Variants in CDH12 observed in about 807,000 individuals in gnomAD.
The protein encoded by CDH12 is cadherin-12.
Under a neutral mutation model 74.1 loss-of-function variants are expected in CDH12, and 41 were observed. That is an observed-to-expected ratio of 0.55 (90% CI 0.43 to 0.72). The LOEUF (loss-of-function observed/expected upper bound fraction) is 0.72. Among genes scored for constraint, CDH12 ranks in the 30% least tolerant of loss-of-function variants. The pLI is 0.00. For missense variants in CDH12, 945 were observed against 977.2 expected (o/e 0.97, Z 0.44); for synonymous variants, 399 against 355.0 (o/e 1.12, Z -1.39).
At chr5:22,704,044 T>TG (rs550591992) in intron 1 of CDH12, among the ~76,000 whole-genome samples, 1 of 152,286 alleles carries the variant, frequency 6.6e-6, no homozygotes, top group African/African-American at 2.4e-5. Flanking sequence ...AAACATTTTT[T>TG]GGGGGGTTCC....
chr5:22,674,658 G>T (rs1741073653), intron 1 of CDH12, among the ~76,000 whole-genome samples: 1 of 152,182 alleles, frequency 6.6e-6, no homozygotes, highest in Non-Finnish European at 1.5e-5. Flanking sequence ...ACTCCCTAGA[G>T]ACTTGTTGAA....
At chr5:22,270,765 G>A (rs1188118298) in intron 3 of CDH12, among the ~76,000 whole-genome samples, 1 of 151,952 alleles carries the variant, frequency 6.6e-6, no homozygotes, top group Non-Finnish European at 1.5e-5. Context: ...TCCACCTTCT[G>A]GTTTCAAGCG....
chr5:22,126,851 G>T (rs1223214992), intron 4 of CDH12, among the ~76,000 whole-genome samples: 4 of 152,112 alleles, frequency 2.6e-5, no homozygotes, highest in Non-Finnish European at 5.9e-5. Flanking sequence ...AATGACCATT[G>T]CTCTTTATCA....
At position 22,704,514 on chromosome 5, in the gene CDH12, A is replaced by G. The variant is rs537109458; in HGVS notation, c.-523+148544T>C. Among the ~76,000 whole-genome samples, 122 of 152,266 alleles carry G rather than the reference A, an allele frequency of 8.0e-4. No homozygotes were observed. The South Asian group carries it at 0.021, about 26-fold the overall frequency. On this transcript the variant is annotated intron_variant, in intron 1 of 14. Coordinates refer to ENST00000382254, the MANE Select transcript of CDH12 (RefSeq NM_004061.5). Reference sequence around the variant, plus strand: ...CTAAAAGTCCAGTAAAGTATTCACAAGCAAGAAACTGGGAAATAGTAAACT... The same window carrying G: ...CTAAAAGTCCAGTAAAGTATTCACAGGCAAGAAACTGGGAAATAGTAAACT...
At chr5:22,520,442 A>G (rs1737002746) in intron 1 of CDH12, among the ~76,000 whole-genome samples, 1 of 152,158 alleles carries the variant, frequency 6.6e-6, no homozygotes, top group Non-Finnish European at 1.5e-5. Flanking sequence ...AATCCAGCAA[A>G]TAAGTTAGAT....
chr5:22,244,692 GAAA>G (rs1417479224), intron 3 of CDH12, among the ~76,000 whole-genome samples: 1 of 129,052 alleles, frequency 7.7e-6, no homozygotes, highest in South Asian at 2.5e-4. Flanking sequence ...AAGAAGGAAA[GAAA>G]AGAAAAAGAA....
intron 6 of CDH12, among the ~76,000 whole-genome samples, chr5:21,890,433 A>G (rs1752844489): frequency 6.6e-6 from 1 of 152,132 alleles, no homozygotes; most frequent in Admixed American, 6.6e-5. Flanking sequence ...TATAACAGCT[A>G]ATGGAAAATA....
chr5:21,930,002 C>T (rs12188865), intron 6 of CDH12, among the ~76,000 whole-genome samples: 102,520 of 152,080 alleles, frequency 0.67, 37,662 homozygotes, highest in East Asian at 0.93. Context: ...AAGGGCAGCA[C>T]AACTCCATTT....
In CDH12 at chr5:22,111,259, C is replaced by T. The variant is rs189968198; in HGVS notation, c.-186-32397G>A. On this transcript the variant is annotated intron_variant, in intron 4 of 14. Coordinates refer to ENST00000382254, the MANE Select transcript of CDH12 (RefSeq NM_004061.5). ...TACAACCAAATACATATTTATTTGT[C>T]AACTGATTCTCTTAGATGACACTAA... Among the ~76,000 whole-genome samples, 145 of 152,210 alleles carry T rather than the reference C, an allele frequency of 9.5e-4. 1 individual carries two copies. The highest frequency in any genetic ancestry group is 4.3e-3 in the Admixed American group (65 of 15,274).
chr5:22,138,507 T>C (rs185397147), intron 4 of CDH12, among the ~76,000 whole-genome samples: 2,520 of 151,500 alleles, frequency 0.017, 26 homozygotes, highest in Middle Eastern at 0.044. Context: ...TGATATTTTA[T>C]AAAGTTGGGG....
intron 2 of CDH12, among the ~76,000 whole-genome samples, chr5:22,490,143 C>T (rs924137137): frequency 3.3e-5 from 5 of 152,052 alleles, no homozygotes; most frequent in African/African-American, 1.2e-4. Context: ...TTGTTTTCAC[C>T]TTTTCCTTTG....
At chr5:22,329,146 T>C (rs535029145) in intron 3 of CDH12, among the ~76,000 whole-genome samples, 1 of 152,280 alleles carries the variant, frequency 6.6e-6, no homozygotes, top group South Asian at 2.1e-4. Flanking sequence ...TGCTATGGCA[T>C]GGTCAAATGA....
At chr5:22,801,535 A>G (rs1748512074) in intron 1 of CDH12, among the ~76,000 whole-genome samples, 1 of 151,164 alleles carries the variant, frequency 6.6e-6, no homozygotes, top group Non-Finnish European at 1.5e-5. Flanking sequence ...TTAACATCCT[A>G]CAATGTTGTC....
intron 1 of CDH12, among the ~76,000 whole-genome samples, chr5:22,819,980 T>A: frequency 6.8e-6 from 1 of 147,554 alleles, no homozygotes; most frequent in African/African-American, 2.5e-5. Flanking sequence ...TACATATACA[T>A]ATATATACAT....
At chr5:22,849,732 A>G (rs1174123585) in intron 1 of CDH12, among the ~76,000 whole-genome samples, 1 of 152,136 alleles carries the variant, frequency 6.6e-6, no homozygotes, top group Non-Finnish European at 1.5e-5. Context: ...AGATATATGC[A>G]TGAGATGTAT....
At chr5:22,118,366 T>C (rs1381823806) in intron 4 of CDH12, among the ~76,000 whole-genome samples, 7 of 152,110 alleles carry the variant, frequency 4.6e-5, no homozygotes, top group Non-Finnish European at 7.4e-5. Context: ...GCCTTTTACA[T>C]ATCTCGGAAA....
chr5:22,516,068 C>G (rs1357535681), intron 1 of CDH12, among the ~76,000 whole-genome samples: 2 of 151,944 alleles, frequency 1.3e-5, no homozygotes, highest in East Asian at 3.9e-4. Context: ...TTTAATGATG[C>G]CCAAACTGAT....
chr5:21,879,900 T>C (rs1464768183), intron 6 of CDH12, among the ~76,000 whole-genome samples: 1 of 152,228 alleles, frequency 6.6e-6, no homozygotes, highest in Non-Finnish European at 1.5e-5. Flanking sequence ...ATTCAATTAA[T>C]AGTTGATCTA....
intron 1 of CDH12, among the ~76,000 whole-genome samples, chr5:22,725,167 T>C (rs1157562189): frequency 6.6e-6 from 1 of 151,938 alleles, no homozygotes; most frequent in East Asian, 1.9e-4. Flanking sequence ...ACCTAAATTC[T>C]CTCTGTGCTT....
Sources: gnomAD v4.1 joint callset for allele counts (sites outside exome capture counted in the v4.1 genomes callset) on GRCh38, gnomAD v4.1.1 for gene constraint, MANE v1.5 for transcripts, NCBI Gene and HGNC (gene_info 2026-07-23, HGNC 2026-07-21) for gene names.